ATPAF2: variants seen among roughly 807,000 people sequenced by gnomAD.
ATPAF2 encodes the protein ATP12 homolog.
In ATPAF2, 30 loss-of-function variants were observed where a neutral mutation model predicts 36.6. That is an observed-to-expected ratio of 0.82 (90% CI 0.61 to 1.11). The LOEUF (loss-of-function observed/expected upper bound fraction) is 1.11, where lower values mean the gene tolerates loss of function less well. Ranked by LOEUF, ATPAF2 falls within the 50% of genes most tolerant of loss-of-function variation. The probability of loss-of-function intolerance (pLI) is 0.00; values close to 1 mark genes in which losing one functional copy is unlikely to be tolerated. For synonymous variants in ATPAF2, 140 were observed against 152.6 expected, an observed-to-expected ratio of 0.92 and a Z score of 0.61; for missense variants, 321 against 372.3, an observed-to-expected ratio of 0.86 and a Z score of 1.13.
intron 4 of ATPAF2, chr17:18,026,114 G>C: frequency 1.5e-6 from 1 of 646,526 alleles, no homozygotes; most frequent in Non-Finnish European, 2.8e-6. Context: ...CTAGAGAAGA[G>C]GGGTGGCCAT....
chr17:18,016,721 CAGG>C, downstream of ATPAF2: 1 of 1,289,308 alleles, frequency 7.8e-7, no homozygotes, highest in Non-Finnish European at 1.1e-6. Flanking sequence ...CAGCCCCAGC[CAGG>C]AGAAGGAAGT....
chr17:18,028,102 G>A (rs557353262), intron 3 of ATPAF2, 130 bp downstream of exon 3: 5 of 1,061,562 alleles, frequency 4.7e-6, no homozygotes, highest in Non-Finnish European at 5.9e-6. Context: ...GACTTGAGAG[G>A]AGGTGAATCC....
chr17:18,018,438 G>A lies in ATPAF2; in HGVS notation c.*111C>T. On this transcript the variant is annotated 3_prime_UTR_variant, in exon 8 of 8. Coordinates refer to ENST00000474627, the MANE Select transcript of ATPAF2 (RefSeq NM_145691.4). ...GGGGGAATCTCAGGGTGACGCTGAG[G>A]CCGAGTCCCCAAAAGCCAAGGAAGC... 6.8e-7 allele frequency: 1 copy of A among 1,469,942 alleles called. No homozygotes were observed. The highest frequency in any genetic ancestry group is 1.1e-5 in the South Asian group (1 of 87,666). 91.1% of individuals were successfully genotyped at this position (1,469,942 alleles called of 1,614,324 possible).
chr17:18,033,211 A>T (rs941486298), intron 1 of ATPAF2, among the ~76,000 whole-genome samples: 2 of 152,008 alleles, frequency 1.3e-5, no homozygotes, highest in African/African-American at 4.8e-5. Context: ...TCTACAAAAA[A>T]TTAAAAAATT....
rs8067146 is a variant in ATPAF2, at chr17:18,021,642, T to C, written c.616+103A>G. The C allele has an allele frequency of 7.6e-3, 7,701 of 1,010,396 alleles. 220 individuals are homozygous for C. Among genetic ancestry groups the C allele is most frequent in the African/African-American group, 0.074 (4,670 of 63,380 alleles). 62.6% of individuals were successfully genotyped at this position (1,010,396 alleles called of 1,614,324 possible). ...CACACTCAGCTAGCCCAGAACACTCTGTGCCTCTCCACTCACAGGACCTGG... is the reference window on the plus strand; with the variant it reads ...CACACTCAGCTAGCCCAGAACACTCCGTGCCTCTCCACTCACAGGACCTGG... On this transcript the variant is annotated intron_variant, in intron 6 of 7. Coordinates refer to ENST00000474627, the MANE Select transcript of ATPAF2 (RefSeq NM_145691.4).
intron 5 of ATPAF2, among the ~76,000 whole-genome samples, chr17:18,023,427 C>G (rs2145492389): frequency 6.6e-6 from 1 of 152,170 alleles, no homozygotes; most frequent in Non-Finnish European, 1.5e-5. Context: ...GACTCCATCT[C>G]AAGAAAGAAA....
chr17:18,038,103 C>T (rs1000106486), intron 1 of ATPAF2, among the ~76,000 whole-genome samples: 2 of 152,200 alleles, frequency 1.3e-5, no homozygotes, highest in Non-Finnish European at 2.9e-5. Flanking sequence ...GGGCCTTTTT[C>T]TTCTTTAATT....
intron 3 of ATPAF2, 38 bp from the exon 4 acceptor site, chr17:18,026,454 G>C: frequency 6.5e-7 from 1 of 1,545,816 alleles, no homozygotes; most frequent in Non-Finnish European, 8.9e-7. Flanking sequence ...CACTGCCTGC[G>C]GGGCTCAGGC....
At chr17:18,031,673 G>A (rs978177843) in intron 1 of ATPAF2, among the ~76,000 whole-genome samples, 1 of 152,084 alleles carries the variant, frequency 6.6e-6, no homozygotes, top group Non-Finnish European at 1.5e-5. Context: ...CCAGCTACTT[G>A]GGAGGCTGAG....
intron 1 of ATPAF2, among the ~76,000 whole-genome samples, chr17:18,035,856 T>C (rs1051805012): frequency 6.6e-6 from 1 of 152,226 alleles, no homozygotes; most frequent in Admixed American, 6.5e-5. Context: ...TCGGAGGTGA[T>C]AGAGAAGCTA....
At chr17:18,032,755 G>A (rs1376390720) in intron 1 of ATPAF2, among the ~76,000 whole-genome samples, 2 of 152,138 alleles carry the variant, frequency 1.3e-5, no homozygotes, top group Non-Finnish European at 2.9e-5. Context: ...CTGTGATGGG[G>A]CAGGCACGTG....
chr17:18,026,285 A>G (rs1349992008), intron 4 of ATPAF2, 34 bp downstream of exon 4: 5 of 1,576,328 alleles, frequency 3.2e-6, no homozygotes, highest in Non-Finnish European at 4.4e-6. Context: ...AATAGCCTCA[A>G]TCCAAGGGGA....
chr17:18,021,068 C>A, intron 7 of ATPAF2, 55 bp downstream of exon 7: 1 of 1,573,778 alleles, frequency 6.4e-7, no homozygotes, highest in Non-Finnish European at 8.6e-7. Context: ...GCTGCTCCCC[C>A]AAAGTGAGTC....
intron 5 of ATPAF2, among the ~76,000 whole-genome samples, chr17:18,024,327 T>C (rs1043468821): frequency 3.9e-5 from 6 of 152,230 alleles, no homozygotes; most frequent in African/African-American, 1.4e-4. Flanking sequence ...TCTGACCCGC[T>C]GGCAGAAGGT....
At chr17:18,032,081 G>C (rs565035310) in intron 1 of ATPAF2, among the ~76,000 whole-genome samples, 5 of 152,216 alleles carry the variant, frequency 3.3e-5, no homozygotes, top group Admixed American at 6.5e-5. Flanking sequence ...TAAAAGCCAG[G>C]CCAGGCAGGA....
chr17:18,039,090 G>C lies in ATPAF2; in HGVS notation c.-77C>G. 1.3e-6 allele frequency: 2 copies of C among 1,538,324 alleles called. No homozygotes were observed. Among genetic ancestry groups the C allele is most frequent in the Non-Finnish European group, 1.8e-6 (2 of 1,140,392 alleles). ...ACAGAGCGATGGGATCCCCAAAGCC[G>C]CACGGTCGGGCTGTACGGAAACCTC... On this transcript the variant is annotated 5_prime_UTR_variant, in exon 1 of 8. Transcript: ENST00000474627. This position sits in a 1 kb window ranked among gnomAD's most constrained non-coding sequence, Gnocchi z 5.3.
intron 1 of ATPAF2, 115 bp downstream of exon 1, chr17:18,038,766 G>A: frequency 6.8e-7 from 1 of 1,470,422 alleles, no homozygotes; most frequent in Non-Finnish European, 9.4e-7. Context: ...TGACTGGCCT[G>A]CATAACCTCA....
chr17:18,038,942 G>C lies in ATPAF2; in HGVS notation c.72C>G (p.Ser24Arg). 1 of 1,600,990 alleles carries C rather than the reference G, an allele frequency of 6.2e-7. No individual in the cohort carries two copies. The highest frequency in any genetic ancestry group is 8.5e-7 in the Non-Finnish European group (1 of 1,175,124). The change falls in exon 1 of 8, where the codon AGC becomes AGG. Residue 24 changes from serine (S) to arginine (R), a missense_variant. Ser to Arg is a moderately radical substitution (Grantham distance 110). Coordinates refer to ENST00000474627, the MANE Select transcript of ATPAF2 (RefSeq NM_145691.4). ...TGGTTGGCCCCGGACTCATAGAAGC[G>C]CTGGGGCCACCCGCCGGCCGATTCA... Reference protein sequence around the residue: ...RLLNRPAGGPSASMSPGPTIP... With the variant: ...RLLNRPAGGPRASMSPGPTIP...
intron 1 of ATPAF2, among the ~76,000 whole-genome samples, chr17:18,034,780 A>G (rs1264262884): frequency 2.0e-5 from 3 of 150,552 alleles, no homozygotes; most frequent in Non-Finnish European, 4.4e-5. Context: ...TTGTACATGA[A>G]TGTTCATAGT....
Sources: gnomAD v4.1 joint callset for allele counts (sites outside exome capture counted in the v4.1 genomes callset) on GRCh38, gnomAD v4.1.1 for gene constraint, Gnocchi (gnomAD v3.1) non-coding constraint, MANE v1.5 for transcripts, NCBI Gene and HGNC (gene_info 2026-07-23, HGNC 2026-07-21) for gene names.